MAP1B: variants seen among roughly 807,000 people sequenced by gnomAD.
MAP1B encodes microtubule associated protein 1B, also known as microtubule-associated protein 1B.
A neutral mutation model predicts 176.1 loss-of-function variants in MAP1B; 12 were observed. The ratio of observed to expected loss-of-function variants is 0.07; its 90% CI spans 0.04 to 0.11. MAP1B has a LOEUF of 0.11. Ranked by LOEUF, MAP1B falls within the 10% of genes least tolerant of loss-of-function variation. The pLI is 1.00. For missense variants in MAP1B, 2,523 were observed against 2,990.5 expected, an observed-to-expected ratio of 0.84 and a Z score of 3.65; for synonymous variants, 1,044 against 1,135.0, an observed-to-expected ratio of 0.92 and a Z score of 1.61.
chr5:72,184,601 T>C (rs1011205161), intron 3 of MAP1B, among the ~76,000 whole-genome samples: 8 of 152,184 alleles, frequency 5.3e-5, no homozygotes, highest in African/African-American at 1.9e-4. Flanking sequence ...CAGTGTGACA[T>C]AAGAACTTGG....
chr5:72,151,468 CA>C (rs1746139463), intron 2 of MAP1B, among the ~76,000 whole-genome samples: 1 of 152,098 alleles, frequency 6.6e-6, no homozygotes, highest in South Asian at 2.1e-4. Flanking sequence ...AAAACAGGAC[CA>C]AAATATTGTG....
intron 2 of MAP1B, among the ~76,000 whole-genome samples, chr5:72,126,175 C>T (rs2112134632): frequency 6.6e-6 from 1 of 152,296 alleles, no homozygotes; most frequent in Non-Finnish European, 1.5e-5. Flanking sequence ...GGACCCTTCC[C>T]CCTCCGGAGA....
intron 2 of MAP1B, among the ~76,000 whole-genome samples, chr5:72,149,407 G>T (rs528126032): frequency 6.6e-6 from 1 of 152,122 alleles, no homozygotes; most frequent in Non-Finnish European, 1.5e-5. Context: ...GCAAAATCTC[G>T]TTTTTCTTTT....
intron 1 of MAP1B, among the ~76,000 whole-genome samples, chr5:72,111,212 G>A (rs191451654): frequency 2.6e-4 from 40 of 152,184 alleles, no homozygotes; most frequent in Non-Finnish European, 4.3e-4. Context: ...ATACATCCGT[G>A]TCTTGCAAAC....
At position 72,107,475 on chromosome 5, in the gene MAP1B, G is replaced by C; in HGVS notation, c.-57G>C. ...TTCGGAGATAATCCTTTCTCCTGCC[G>C]CAGTGGAGAGGAGCGGCCGGAGCGA... On this transcript the variant is annotated 5_prime_UTR_variant, in exon 1 of 7. Transcript: ENST00000296755. 8 of 1,434,924 alleles carry C rather than the reference G, an allele frequency of 5.6e-6. No individual in the cohort carries two copies. The highest frequency in any genetic ancestry group is 2.4e-4 in the Middle Eastern group (1 of 4,134). The allele number at this position is 1,434,924 out of a possible 1,614,324, so 88.9% of individuals were successfully genotyped here. A position where few individuals can be genotyped will look rare whatever the true frequency, so the allele number is the denominator to read the frequency against.
chr5:72,141,441 G>C (rs1745945815), intron 2 of MAP1B, among the ~76,000 whole-genome samples: 1 of 152,196 alleles, frequency 6.6e-6, no homozygotes, highest in South Asian at 2.1e-4. Flanking sequence ...CTTCATGCTG[G>C]GTATTGTATA....
chr5:72,162,698 A>G (rs988401597), intron 2 of MAP1B, among the ~76,000 whole-genome samples: 6 of 152,192 alleles, frequency 3.9e-5, no homozygotes, highest in African/African-American at 1.4e-4. Flanking sequence ...TGCGGGACCC[A>G]ACATAGTAGG....
At chr5:72,168,848 T>C (rs1446692538) in intron 2 of MAP1B, among the ~76,000 whole-genome samples, 1 of 152,238 alleles carries the variant, frequency 6.6e-6, no homozygotes, top group Non-Finnish European at 1.5e-5. Flanking sequence ...TGGCCAGATT[T>C]GGTTGAATTG....
At chr5:72,179,577 C>T (rs138130187) in intron 2 of MAP1B, 38 of 979,186 alleles carry the variant, frequency 3.9e-5, no homozygotes, top group Non-Finnish European at 4.5e-5. Flanking sequence ...CTGGCACCCA[C>T]GGGTATGCCA....
intron 5 of MAP1B, 109 bp from the exon 6 acceptor site, chr5:72,203,454 C>G (rs1747374840): frequency 2.5e-6 from 2 of 797,866 alleles, no homozygotes; most frequent in Admixed American, 3.7e-5. Flanking sequence ...TCTCAGAGGA[C>G]CTACTTGTGA....
At chr5:72,203,234 TAGG>T (rs1047615276) in intron 5 of MAP1B, among the ~76,000 whole-genome samples, 65 of 152,230 alleles carry the variant, frequency 4.3e-4, no homozygotes, top group African/African-American at 1.4e-3. Flanking sequence ...ACAACTTCTT[TAGG>T]AGGAGTATTA....
At position 72,197,278 on chromosome 5, in the gene MAP1B, A is replaced by G. The variant is rs771118769; in HGVS notation, c.3923A>G (p.Glu1308Gly). Residue 1308 changes from glutamate to glycine, a missense_variant, in exon 5 of 7, where the codon GAA (glutamate) becomes GGA (glycine). Physicochemically the swap from Glu to Gly is moderately conservative, Grantham distance 98. Coordinates refer to ENST00000296755, the MANE Select transcript of MAP1B (RefSeq NM_005909.5). The part of the protein sequence containing the change: ...SPEVTQEVVE[E>G]HCASPEDKTL... ...GAGGTGACCCAAGAAGTAGTTGAAG[A>G]ACATTGTGCTAGTCCTGAGGACAAG... 1.2e-6 allele frequency: 2 copies of G among 1,614,190 alleles called. No homozygotes were observed. Among genetic ancestry groups the G allele is most frequent in the South Asian group, 1.1e-5 (1 of 91,076 alleles).
At chr5:72,139,372 A>G (rs1325183674) in intron 2 of MAP1B, among the ~76,000 whole-genome samples, 3 of 152,136 alleles carry the variant, frequency 2.0e-5, no homozygotes, top group Admixed American at 6.5e-5. Flanking sequence ...CTCTGCAAAT[A>G]TATTTTGTAC....
At position 72,183,821 on chromosome 5, in the gene MAP1B, C is replaced by T; in HGVS notation, c.365C>T (p.Thr122Ile). 6.2e-7 allele frequency: 1 copy of T among 1,613,850 alleles called. No homozygotes were observed. Among genetic ancestry groups the T allele is most frequent in the Non-Finnish European group, 8.5e-7 (1 of 1,179,800 alleles). Residue 122 changes from threonine to isoleucine, a missense_variant, in exon 3 of 7, where the codon ACC becomes ATC. By Grantham distance (89) the Thr-to-Ile change is moderately conservative. Transcript: ENST00000296755. The part of the protein sequence containing the change: ...LINPSDEAVS[T>I]EVRLMITDAA... ...AACCCTTCTGATGAAGCAGTCAGCACCGAGGTAAGCATTCAGCTCTGTAGA... is the reference window on the plus strand; with the variant it reads ...AACCCTTCTGATGAAGCAGTCAGCATCGAGGTAAGCATTCAGCTCTGTAGA...
At chr5:72,203,301 G>T (rs1157493589) in intron 5 of MAP1B, among the ~76,000 whole-genome samples, 2 of 152,046 alleles carry the variant, frequency 1.3e-5, no homozygotes, top group Non-Finnish European at 1.5e-5. Flanking sequence ...TCCTAATATT[G>T]GTTGTCCACA....
At chr5:72,193,833 T>A in intron 4 of MAP1B, 33 bp from the exon 5 acceptor site, 7 of 1,536,130 alleles carry the variant, frequency 4.6e-6, no homozygotes, top group Non-Finnish European at 6.1e-6. Flanking sequence ...CACTTACACC[T>A]TTTCTTTCTT....
In MAP1B at chr5:72,152,023, C is replaced by T. The variant is rs182160931; in HGVS notation, c.287-31720C>T. Among the ~76,000 whole-genome samples, 83 of 152,298 alleles carry T rather than the reference C, an allele frequency of 5.4e-4. 3 individuals are homozygous for T. Among genetic ancestry groups the T allele is most frequent in the African/African-American group, 1.9e-3 (79 of 41,568 alleles). On this transcript the variant is annotated intron_variant, in intron 2 of 6. Coordinates refer to ENST00000296755, the MANE Select transcript of MAP1B (RefSeq NM_005909.5). Reference sequence around the variant, plus strand: ...CTTTTTATCAAAACTAAGAAATTAACATCCTGTTAGTTAAACTACATGGCA... The same window carrying T: ...CTTTTTATCAAAACTAAGAAATTAATATCCTGTTAGTTAAACTACATGGCA...
intron 4 of MAP1B, among the ~76,000 whole-genome samples, chr5:72,189,515 A>C (rs535005242): frequency 2.6e-5 from 4 of 152,122 alleles, no homozygotes; most frequent in Non-Finnish European, 5.9e-5. Flanking sequence ...ACTGTCCTTC[A>C]AACTTGTTCC....
intron 2 of MAP1B, among the ~76,000 whole-genome samples, chr5:72,123,912 T>A (rs1370224853): frequency 1.3e-5 from 2 of 152,166 alleles, no homozygotes; most frequent in Non-Finnish European, 2.9e-5. Flanking sequence ...ATTACAGGTG[T>A]GAGTCACCCT....
Sources: gnomAD v4.1 joint callset for allele counts (sites outside exome capture counted in the v4.1 genomes callset) on GRCh38, gnomAD v4.1.1 for gene constraint, MANE v1.5 for transcripts, NCBI Gene and HGNC (gene_info 2026-07-23, HGNC 2026-07-21) for gene names.